The following NFKB2 variants were observed in gnomAD, a reference collection of about 807,000 sequenced individuals.
NFKB2 encodes nuclear factor NF-kappa-B p100 subunit.
In NFKB2, 21 loss-of-function variants were observed where a neutral mutation model predicts 109.3. That is an observed-to-expected ratio of 0.19 (90% CI 0.14 to 0.28). The LOEUF is 0.28. Among genes scored for constraint, NFKB2 ranks in the 10% least tolerant of loss-of-function variants. NFKB2 has a pLI of 1.00. For missense variants in NFKB2, 806 were observed against 1,185.3 expected (o/e 0.68, Z 4.70); for synonymous variants, 478 against 489.9 (o/e 0.98, Z 0.32).
In NFKB2 at chr10:102,402,133, A is replaced by G; in HGVS notation, c.2552A>G (p.Glu851Gly). 1 of 1,578,650 alleles carries G rather than the reference A, an allele frequency of 6.3e-7. No homozygotes were observed. The highest frequency in any genetic ancestry group is 8.6e-7 in the Non-Finnish European group (1 of 1,161,768). The change falls in exon 22 of 23, where the codon GAA (glutamate) becomes GGA (glycine). Residue 851 changes from glutamate (E) to glycine (G), a missense_variant. Glu to Gly is a moderately conservative substitution (Grantham distance 98, BLOSUM62 -2). Coordinates refer to ENST00000661543, the MANE Select transcript of NFKB2 (RefSeq NM_001322934.2). ...GGAGTGAGGCTGCTGAGGGGTCCAG[A>G]AACCCGAGACAAGCTGCCCAGCACA... Reference protein sequence around the residue: ...EEGVRLLRGPETRDKLPSTAE... With the variant: ...EEGVRLLRGPGTRDKLPSTAE...
chr10:102,396,159 A>AG lies in NFKB2; in HGVS notation c.22-88dup. On this transcript the variant is annotated intron_variant, in intron 2 of 22. Coordinates refer to ENST00000661543, the MANE Select transcript of NFKB2 (RefSeq NM_001322934.2). The surrounding 1 kb of genome is among the most constrained non-coding windows in gnomAD (Gnocchi z 5.9). Reference sequence around the variant, plus strand: ...GAGCTTTCTCTTGGGTCTGAGGAGGAGGGGGGAGTGACCACTGAAGACTTG... The same window carrying AG: ...GAGCTTTCTCTTGGGTCTGAGGAGGAGGGGGGGAGTGACCACTGAAGACTTG... The AG allele has an allele frequency of 4.1e-6, 6 of 1,468,690 alleles. No individual in the cohort carries two copies. The highest frequency in any genetic ancestry group is 1.8e-4 in the Middle Eastern group (1 of 5,470). 91.0% of individuals were successfully genotyped at this position (1,468,690 alleles called of 1,614,324 possible).
chr10:102,399,197 A>C (rs1465824834), intron 12 of NFKB2, 91 bp from the exon 13 acceptor site: 7 of 1,263,016 alleles, frequency 5.5e-6, no homozygotes, highest in South Asian at 2.7e-5. Context: ...GCTGGGCAAT[A>C]AGAGCGAAAC....
Position 102,396,793 on chromosome 10 carries a change from G to C in NFKB2, c.213G>C (p.Glu71Asp), listed in dbSNP as rs2061123181. Residue 71 changes from glutamate (E) to aspartate (D), a missense_variant, in exon 5 of 23, where the codon GAG becomes GAC. Transcript: ENST00000661543. The surrounding 1 kb of genome is among the most constrained non-coding windows in gnomAD (Gnocchi z 5.9). ...GAGGACTGCCCGGTGCCTCCAGTGA[G>C]AAGGGCCGAAAGACCTATCCCACTG... ...SHGGLPGASS[E>D]KGRKTYPTVK... 1 of 1,613,142 alleles carries C rather than the reference G, an allele frequency of 6.2e-7. No homozygotes were observed. Among genetic ancestry groups the C allele is most frequent in the African/African-American group, 1.3e-5 (1 of 74,910 alleles).
At position 102,398,319 on chromosome 10, in the gene NFKB2, G is replaced by A. The variant is rs2061152940; in HGVS notation, c.852+22G>A. 1.2e-6 allele frequency: 2 copies of A among 1,614,170 alleles called. No individual in the cohort carries two copies. Among genetic ancestry groups the A allele is most frequent in the African/African-American group, 1.3e-5 (1 of 75,050 alleles). Reference sequence around the variant, plus strand: ...ACAGGTACCCAGGGCTAGGGCCCGGGCCCGGGCTGGGGGCTAAATTAGGCT... The same window carrying A: ...ACAGGTACCCAGGGCTAGGGCCCGGACCCGGGCTGGGGGCTAAATTAGGCT... On this transcript the variant is annotated intron_variant, in intron 10 of 22. Coordinates refer to ENST00000661543, the MANE Select transcript of NFKB2 (RefSeq NM_001322934.2). This position sits in a 1 kb window ranked among gnomAD's most constrained non-coding sequence, Gnocchi z 6.6.
In NFKB2 at chr10:102,397,020, C is replaced by T. The variant is rs373367494; in HGVS notation, c.360C>T (p.Cys120=). 42 of 1,613,314 alleles carry T rather than the reference C, an allele frequency of 2.6e-5. No homozygotes were observed. The highest frequency in any genetic ancestry group is 5.0e-5 in the Admixed American group (3 of 59,992). ...VGKQCSELGI[C]AVSVGPKDMT... ...AGCAATGCTCGGAGCTGGGGATCTGCGCCGTTTCTGTGGGGCCCAAGGACA... is the reference window on the plus strand; with the variant it reads ...AGCAATGCTCGGAGCTGGGGATCTGTGCCGTTTCTGTGGGGCCCAAGGACA... Residue 120 remains cysteine (C), a synonymous_variant, in exon 6 of 23, where the codon TGC becomes TGT. Transcript: ENST00000661543. The surrounding 1 kb of genome is among the most constrained non-coding windows in gnomAD (Gnocchi z 4.7).
chr10:102,398,759 A>C lies in NFKB2; in HGVS notation c.1012A>C (p.Lys338Gln). The C allele has an allele frequency of 6.2e-7, 1 of 1,612,482 alleles. No homozygotes were observed. Among genetic ancestry groups the C allele is most frequent in the Non-Finnish European group, 8.5e-7 (1 of 1,179,970 alleles). ...CCCAGACAAGGAAGAGGTGCAGCGG[A>C]AGCGGAGGAAGGCCTTGCCCACCTT... ...LVEDKEEVQR[K>Q]RRKALPTFSQ... Residue 338 changes from lysine (K) to glutamine (Q), a missense_variant, in exon 12 of 23, where the codon AAG (lysine) becomes CAG (glutamine). Physicochemically the swap from Lys to Gln is moderately conservative, Grantham distance 53. Transcript: ENST00000661543. The surrounding 1 kb of genome is among the most constrained non-coding windows in gnomAD (Gnocchi z 6.6).
At position 102,399,635 on chromosome 10, in the gene NFKB2, C is replaced by G. The variant is rs762807587; in HGVS notation, c.1386C>G (p.Leu462=). The change falls in exon 14 of 23, where the codon CTC becomes CTG. Residue 462 remains leucine, a synonymous_variant. Transcript: ENST00000661543. ...GLAQRSARAL[L]DYGVTADARA... Reference sequence around the variant, plus strand: ...CGCAGCGCAGCGCCCGAGCCCTACTCGACTACGGCGTCACCGCGGACGCGC... The same window carrying G: ...CGCAGCGCAGCGCCCGAGCCCTACTGGACTACGGCGTCACCGCGGACGCGC... 1.9e-5 allele frequency: 30 copies of G among 1,541,756 alleles called. No individual in the cohort carries two copies. The highest frequency in any genetic ancestry group is 2.4e-5 in the Non-Finnish European group (27 of 1,143,206).
In NFKB2 at chr10:102,402,408, CCCCCTGTACAGCGT is replaced by C. The variant is rs1565215576; in HGVS notation, c.*37_*50del. The C allele has an allele frequency of 7.5e-7, 1 of 1,336,152 alleles. No homozygotes were observed. The highest frequency in any genetic ancestry group is 1.5e-5 in the African/African-American group (1 of 68,084). 82.8% of individuals were successfully genotyped at this position (1,336,152 alleles called of 1,614,324 possible). A position where few individuals can be genotyped will look rare whatever the true frequency, so the allele number is the denominator to read the frequency against. The stretch of plus-strand genomic sequence containing the variant: ...GCCTGCCCCCAGCCCCCTTCCCGGA[CCCCCTGTACAGCGT>C]CCCCACCTATTTCAAATCTTATTTA... On this transcript the variant is annotated 3_prime_UTR_variant, in exon 23 of 23. Coordinates refer to ENST00000661543, the MANE Select transcript of NFKB2 (RefSeq NM_001322934.2).
rs1243363991 is a variant in NFKB2 at position 102,396,334 on chromosome 10, G to A, written c.103G>A (p.Ala35Thr). Residue 35 changes from alanine to threonine, a missense_variant and splice_region_variant, in exon 3 of 23, where the codon GCT becomes ACT. Coordinates refer to ENST00000661543, the MANE Select transcript of NFKB2 (RefSeq NM_001322934.2). This position sits in a 1 kb window ranked among gnomAD's most constrained non-coding sequence, Gnocchi z 5.9. ...ACCCAAGGAGCCAGCCCCAGAAACA[G>A]GTCAGCAAGTTCACTAACCTCCCCT... is the stretch of plus-strand genomic sequence containing the variant. The part of the protein sequence containing the change: ...VEPKEPAPET[A>T]DGPYLVIVEQ... 1.2e-6 allele frequency: 2 copies of A among 1,613,466 alleles called. No individual in the cohort carries two copies. The highest frequency in any genetic ancestry group is 1.7e-6 in the Non-Finnish European group (2 of 1,179,574).
In NFKB2 at chr10:102,396,527, C is replaced by T; in HGVS notation, c.144+38C>T. 6.2e-7 allele frequency: 1 copy of T among 1,613,382 alleles called. No homozygotes were observed. The highest frequency in any genetic ancestry group is 8.5e-7 in the Non-Finnish European group (1 of 1,179,946). On this transcript the variant is annotated intron_variant, in intron 4 of 22. Transcript: ENST00000661543. The surrounding 1 kb of genome is among the most constrained non-coding windows in gnomAD (Gnocchi z 5.9). ...AAGGGAGGGTGTGGAATGGCTTCAG[C>T]TTTGGGGACAAATGGGGTAGTGGTA...
In NFKB2 at chr10:102,398,866, T is replaced by G. The variant is rs1589863592; in HGVS notation, c.1117+2T>G. 6.3e-7 allele frequency: 1 copy of G among 1,585,564 alleles called. No homozygotes were observed. The highest frequency in any genetic ancestry group is 8.6e-7 in the Non-Finnish European group (1 of 1,167,896). On this transcript the variant is annotated splice_donor_variant, in intron 12 of 22. Coordinates refer to ENST00000661543, the MANE Select transcript of NFKB2 (RefSeq NM_001322934.2). LOFTEE classifies it high-confidence loss of function. This position sits in a 1 kb window ranked among gnomAD's most constrained non-coding sequence, Gnocchi z 6.6. ...GGGGCTACGGAGGAGCTGGAGGAGG[T>G]GAGGGGGTACTGATGGAGGGAGGGG... is the stretch of plus-strand genomic sequence containing the variant.
At chr10:102,399,979 G>C in intron 14 of NFKB2, 101 bp from the exon 15 acceptor site, 1 of 1,285,332 alleles carries the variant, frequency 7.8e-7, no homozygotes, top group Non-Finnish European at 1.1e-6. Flanking sequence ...CACGTGCTGG[G>C]TTCCATGGGC....
At position 102,396,592 on chromosome 10, in the gene NFKB2, CAG is replaced by C. The variant is rs2061119078; in HGVS notation, c.144+104_144+105del. ...GAGGAGCCATTGCCGAAGGAGGCCA[CAG>C]GGGATTGGATGGTCACTGCTGCTGA... On this transcript the variant is annotated intron_variant, in intron 4 of 22. Transcript: ENST00000661543. The surrounding 1 kb of genome is among the most constrained non-coding windows in gnomAD (Gnocchi z 5.9). 1.3e-6 allele frequency: 2 copies of C among 1,585,048 alleles called. No homozygotes were observed. The highest frequency in any genetic ancestry group is 4.5e-5 in the East Asian group (2 of 44,580).
In NFKB2 at chr10:102,397,503, G is replaced by A; in HGVS notation, c.503-24G>A. On this transcript the variant is annotated intron_variant, in intron 7 of 22. Transcript: ENST00000661543. The surrounding 1 kb of genome is among the most constrained non-coding windows in gnomAD (Gnocchi z 4.7). ...GGAGCAGGGAGGGAGAAGCCCAGGGGTCACACATGTACCTACTGCCCAGAG... is the reference window on the plus strand; with the variant it reads ...GGAGCAGGGAGGGAGAAGCCCAGGGATCACACATGTACCTACTGCCCAGAG... 1 of 1,610,408 alleles carries A rather than the reference G, an allele frequency of 6.2e-7. No homozygotes were observed. The highest frequency in any genetic ancestry group is 8.5e-7 in the Non-Finnish European group (1 of 1,177,728).
Position 102,402,069 on chromosome 10 carries a change from G to A in NFKB2, c.2488G>A (p.Gly830Ser). The A allele has an allele frequency of 1.3e-6, 2 of 1,571,598 alleles. No individual in the cohort carries two copies. Among genetic ancestry groups the A allele is most frequent in the Middle Eastern group, 3.3e-4 (2 of 6,014 alleles). Reference protein sequence around the residue: ...SYELAGGDLAGLLEALSDMGL... With the variant: ...SYELAGGDLASLLEALSDMGL... ...TCAGCTGGCTGGCGGGGACCTGGCAGGTCTACTGGAGGCCCTGTCTGACAT... is the reference window on the plus strand; with the variant it reads ...TCAGCTGGCTGGCGGGGACCTGGCAAGTCTACTGGAGGCCCTGTCTGACAT... Residue 830 changes from glycine (G) to serine (S), a missense_variant, in exon 22 of 23, where the codon GGT (glycine) becomes AGT (serine). By Grantham distance (56) the Gly-to-Ser change is moderately conservative (BLOSUM62 0). Coordinates refer to ENST00000661543, the MANE Select transcript of NFKB2 (RefSeq NM_001322934.2).
At position 102,400,065 on chromosome 10, in the gene NFKB2, C is replaced by T. The variant is rs758172818; in HGVS notation, c.1470-15C>T. 5.0e-6 allele frequency: 8 copies of T among 1,612,496 alleles called. No individual in the cohort carries two copies. Among genetic ancestry groups the T allele is most frequent in the South Asian group, 3.3e-5 (3 of 91,056 alleles). ...TCTGAGTGGCTGGGCCAGACTCTCG[C>T]TCCCCAACCCCCAGACCACTGCACC... On this transcript the variant is annotated splice_polypyrimidine_tract_variant and intron_variant, in intron 14 of 22. Transcript: ENST00000661543. This position sits in a 1 kb window ranked among gnomAD's most constrained non-coding sequence, Gnocchi z 6.3.
intron 13 of NFKB2, 25 bp from the exon 14 acceptor site, chr10:102,399,552 G>A: frequency 6.5e-7 from 1 of 1,544,918 alleles, no homozygotes; most frequent in East Asian, 2.5e-5. Context: ...ACCTAGCCCT[G>A]ACCCACGCCC....
chr10:102,396,766 TG>T lies in NFKB2; in HGVS notation c.188del (p.Gly63GlufsTer34), dbSNP rs1305758604. ...GATATGGCTGTGAAGGCCCCTCCCA[TG>T]GAGGACTGCCCGGTGCCTCCAGTGA... ...FRYGCEGPSH[G>X]GLPGASSEKG... is the part of the protein sequence containing the mutation. On this transcript the variant is annotated frameshift_variant, in exon 5 of 23. Transcript: ENST00000661543. LOFTEE classifies it high-confidence loss of function. The surrounding 1 kb of genome is among the most constrained non-coding windows in gnomAD (Gnocchi z 5.9). 6.2e-7 allele frequency: 1 copy of T among 1,613,270 alleles called. No homozygotes were observed. The highest frequency in any genetic ancestry group is 1.3e-5 in the African/African-American group (1 of 74,902).
rs1310407173 is a variant in NFKB2, at chr10:102,401,724, CTGTA to C, written c.2294-17_2294-14del. Reference sequence around the variant, plus strand: ...CCAACTCTGGAGGTAAATGACATGTCTGTATGTGTGTCCCCCTAAGGGCCGGGAC... The same window carrying C: ...CCAACTCTGGAGGTAAATGACATGTCTGTGTGTCCCCCTAAGGGCCGGGAC... On this transcript the variant is annotated splice_polypyrimidine_tract_variant and intron_variant, in intron 20 of 22. Transcript: ENST00000661543. The surrounding 1 kb of genome is among the most constrained non-coding windows in gnomAD (Gnocchi z 4.2). 1.3e-6 allele frequency: 2 copies of C among 1,583,152 alleles called. No individual in the cohort carries two copies. Among genetic ancestry groups the C allele is most frequent in the African/African-American group, 1.3e-5 (1 of 74,206 alleles).
Sources: gnomAD v4.1 joint callset for allele counts on GRCh38, gnomAD v4.1.1 for gene constraint, Gnocchi (gnomAD v3.1) non-coding constraint, MANE v1.5 for transcripts, NCBI Gene and HGNC (gene_info 2026-07-23, HGNC 2026-07-21) for gene names.